Variants in TIAM1 observed in about 807,000 individuals in gnomAD.
TIAM1 encodes TIAM Rac1 associated GEF 1, also known as rho guanine nucleotide exchange factor TIAM1.
In TIAM1, 65 loss-of-function variants were observed where a neutral mutation model predicts 163.5. That is an observed-to-expected ratio of 0.40 (90% CI 0.33 to 0.49). The LOEUF (loss-of-function observed/expected upper bound fraction) is 0.49, where lower values mean the gene tolerates loss of function less well. TIAM1 is among the 20% of genes least tolerant of loss of function. The pLI is 0.77. For synonymous variants in TIAM1, 833 were observed against 810.1 expected (o/e 1.03, Z -0.48); for missense variants, 1,789 against 2,044.7 (o/e 0.87, Z 2.41).
chr21:31,136,009 C>T lies in TIAM1; in HGVS notation c.3807G>A (p.Leu1269=). 1 of 1,614,100 alleles carries T rather than the reference C, an allele frequency of 6.2e-7. No individual in the cohort carries two copies. The highest frequency in any genetic ancestry group is 1.3e-5 in the African/African-American group (1 of 75,004). ...VADLSMGDLL[L]HTTVIWLNPP... The stretch of plus-strand genomic sequence containing the variant: ...GGTTCAGCCAGATCACGGTAGTGTG[C>T]AAAAGCAGGTCTCCCATGCTCAGAT... The change falls in exon 23 of 28, where the codon TTG becomes TTA. Residue 1269 remains leucine (L), a synonymous_variant. Transcript: ENST00000541036.
intron 1 of TIAM1, among the ~76,000 whole-genome samples, chr21:31,487,159 A>G (rs2046299323): frequency 6.6e-6 from 1 of 152,126 alleles, no homozygotes; most frequent in Non-Finnish European, 1.5e-5. Flanking sequence ...TTAAAACTCA[A>G]GGAGCTTTTT....
chr21:31,160,263 GT>G (rs2083847191), intron 16 of TIAM1, among the ~76,000 whole-genome samples: 1 of 152,030 alleles, frequency 6.6e-6, no homozygotes, highest in African/African-American at 2.4e-5. Flanking sequence ...ACCTCCCCAC[GT>G]CCCCCACCAA....
intron 25 of TIAM1, among the ~76,000 whole-genome samples, chr21:31,128,078 A>AG (rs1324730502): frequency 6.6e-6 from 1 of 152,232 alleles, no homozygotes; most frequent in African/African-American, 2.4e-5. Flanking sequence ...TGTTTGTGAA[A>AG]GGAACAATTC....
At chr21:31,406,310 G>A (rs1001053039) in intron 2 of TIAM1, among the ~76,000 whole-genome samples, 1 of 152,092 alleles carries the variant, frequency 6.6e-6, no homozygotes, top group Non-Finnish European at 1.5e-5. Flanking sequence ...ATGATTAAGA[G>A]AAGGAATTTG....
intron 11 of TIAM1, among the ~76,000 whole-genome samples, chr21:31,208,868 C>T (rs1198014901): frequency 2.6e-5 from 4 of 152,144 alleles, no homozygotes; most frequent in Non-Finnish European, 5.9e-5. Flanking sequence ...TATTTACAAA[C>T]ATTGTGTTGA....
chr21:31,373,064 A>AAAAAG (rs1167017702), intron 2 of TIAM1, among the ~76,000 whole-genome samples: 14 of 145,310 alleles, frequency 9.6e-5, no homozygotes, highest in Non-Finnish European at 1.5e-4. Context: ...TCAAAAAAAA[A>AAAAAG]AAAAGAAAAG....
chr21:31,420,657 A>G (rs979588334), intron 2 of TIAM1, among the ~76,000 whole-genome samples: 2 of 152,186 alleles, frequency 1.3e-5, no homozygotes, highest in Admixed American at 6.5e-5. Flanking sequence ...GTATTTTCCA[A>G]ACTTTGTCCA....
intron 2 of TIAM1, among the ~76,000 whole-genome samples, chr21:31,432,011 A>C (rs747979526): frequency 6.6e-6 from 1 of 152,020 alleles, no homozygotes; most frequent in Non-Finnish European, 1.5e-5. Context: ...GCCATCTTAC[A>C]ACTAATTCCT....
intron 1 of TIAM1, among the ~76,000 whole-genome samples, chr21:31,473,787 A>C (rs1569363223): frequency 6.6e-6 from 1 of 152,202 alleles, no homozygotes; most frequent in East Asian, 1.9e-4. Flanking sequence ...GTCTGAAATA[A>C]GTTCCATAAA....
chr21:31,558,123 G>C (rs2084887697), intron 1 of TIAM1, among the ~76,000 whole-genome samples: 1 of 152,152 alleles, frequency 6.6e-6, no homozygotes, highest in Admixed American at 6.5e-5. Flanking sequence ...CCAATGGCGA[G>C]GTCTGTAAAC....
chr21:31,460,434 C>T (rs2045280677), intron 2 of TIAM1, among the ~76,000 whole-genome samples: 1 of 152,168 alleles, frequency 6.6e-6, no homozygotes, highest in Non-Finnish European at 1.5e-5. Context: ...CGAGATCAGC[C>T]TGGCCAACAT....
intron 2 of TIAM1, among the ~76,000 whole-genome samples, chr21:31,284,248 C>T (rs2073696960): frequency 6.6e-6 from 1 of 152,158 alleles, no homozygotes; most frequent in Non-Finnish European, 1.5e-5. Context: ...AAACCGCACA[C>T]CAAAATAATC....
chr21:31,451,760 T>TGTGTGA lies in TIAM1; in HGVS notation c.-369+12222_-369+12223insTCACAC, dbSNP rs1491328799. On this transcript the variant is annotated intron_variant, in intron 2 of 28. Transcript: ENST00000286827. Reference sequence around the variant, plus strand: ...GTGTGTGTGTGTGTGTGTGTGTGTGTGAGACACAGAGAGAGAGAGAGAGAG... The same window carrying TGTGTGA: ...GTGTGTGTGTGTGTGTGTGTGTGTGTGTGTGAGAGACACAGAGAGAGAGAGAGAGAG... Among the ~76,000 whole-genome samples, 340 of 138,178 alleles carry TGTGTGA rather than the reference T, an allele frequency of 2.5e-3. 1 individual carries two copies. Among genetic ancestry groups the TGTGTGA allele is most frequent in the African/African-American group, 9.3e-3 (318 of 34,266 alleles). The allele number at this position is 138,178 out of a possible 152,430, so 90.7% of individuals were successfully genotyped here.
At chr21:31,519,166 G>A (rs759996338) in intron 1 of TIAM1, among the ~76,000 whole-genome samples, 40 of 152,094 alleles carry the variant, frequency 2.6e-4, no homozygotes, top group African/African-American at 8.4e-4. Context: ...TTAGCCAGGC[G>A]TAGTGGTACA....
chr21:31,505,364 A>G (rs2046990089), intron 1 of TIAM1, among the ~76,000 whole-genome samples: 1 of 152,244 alleles, frequency 6.6e-6, no homozygotes, highest in Admixed American at 6.5e-5. Context: ...AAAAGATATG[A>G]AAGGTCAAGG....
chr21:31,156,375 C>G (rs1239586061), intron 16 of TIAM1, among the ~76,000 whole-genome samples: 5 of 152,208 alleles, frequency 3.3e-5, no homozygotes, highest in African/African-American at 9.6e-5. Flanking sequence ...GTTTCTGACA[C>G]TGAGTAACCC....
At chr21:31,358,292 C>G (rs146941060) in intron 2 of TIAM1, among the ~76,000 whole-genome samples, 1 of 152,290 alleles carries the variant, frequency 6.6e-6, no homozygotes, top group Non-Finnish European at 1.5e-5. Flanking sequence ...GACTTCTCCA[C>G]GCGGTCCTGC....
intron 5 of TIAM1, among the ~76,000 whole-genome samples, 159 bp from the exon 6 acceptor site, chr21:31,245,819 T>C (rs111783628): frequency 0.018 from 2,697 of 152,278 alleles, 77 homozygotes; most frequent in African/African-American, 0.062. Flanking sequence ...ACTCAAGTCT[T>C]GGATGGGCCT....
chr21:31,479,482 T>A (rs1291091187), intron 1 of TIAM1, among the ~76,000 whole-genome samples: 2 of 152,038 alleles, frequency 1.3e-5, no homozygotes, highest in Non-Finnish European at 2.9e-5. Context: ...GATGGAAGGA[T>A]GGATGAGCGG....
Sources: gnomAD v4.1 joint callset for allele counts (sites outside exome capture counted in the v4.1 genomes callset) on GRCh38, gnomAD v4.1.1 for gene constraint, MANE v1.5 for transcripts, NCBI Gene and HGNC (gene_info 2026-07-23, HGNC 2026-07-21) for gene names.